The following MYH7B variants were observed in gnomAD, a reference collection of about 807,000 sequenced individuals.
MYH7B encodes myosin-7B.
MYH7B carries 205 observed loss-of-function variants against 234.5 expected under a neutral mutation model. That is an observed-to-expected ratio of 0.87 (90% CI 0.78 to 0.98). MYH7B has a LOEUF of 0.98. MYH7B is among the 50% of genes least tolerant of loss of function. MYH7B has a pLI of 0.00. For missense variants in MYH7B, 2,652 were observed against 2,633.4 expected (o/e 1.01, Z -0.15); for synonymous variants, 1,193 against 1,105.0 (o/e 1.08, Z -1.58).
exon 22 of MYH7B, chr20:34,990,272 A>G (rs763566144): frequency 1.9e-6 from 3 of 1,614,146 alleles, no homozygotes; most frequent in East Asian, 2.2e-5. Context: ...GAAGCGTAAG[A>G]AGGCAGCATC....
chr20:34,999,191 G>T lies in MYH7B; in HGVS notation c.4326G>T (p.Ala1442=), dbSNP rs777385270. The change falls in exon 36 of 45, where the codon GCG becomes GCT. Residue 1442 remains alanine (A), a synonymous_variant. Transcript: ENST00000262873. ...ATGTAACCCTGGAGCTGGAGCGGGC[G>T]ACCTCAGCAGCTGCTGCGCTGGACA... The T allele has an allele frequency of 2.5e-6, 4 of 1,612,762 alleles. No individual in the cohort carries two copies. The African/African-American group carries it at 5.3e-5, about 22-fold the overall frequency.
exon 6 of MYH7B, chr20:34,979,462 G>A: frequency 6.2e-7 from 1 of 1,613,912 alleles, no homozygotes; most frequent in Admixed American, 1.7e-5. Flanking sequence ...GAGGCTACCG[G>A]GGGCAGAGTC....
rs544975602 is a variant in MYH7B, at chr20:35,001,170, C to T, written c.5475+12C>T. 30 of 1,610,568 alleles carry T rather than the reference C, an allele frequency of 1.9e-5. No individual in the cohort carries two copies. Among genetic ancestry groups the T allele is most frequent in the South Asian group, 1.4e-4 (13 of 90,910 alleles). On this transcript the variant is annotated intron_variant, in intron 41 of 44. Transcript: ENST00000262873. Reference sequence around the variant, plus strand: ...AGCTGGAGGCCAAGGTGTGTGCAGCCCCTCTAGTCCTTGGCGCAGGCAGGG... The same window carrying T: ...AGCTGGAGGCCAAGGTGTGTGCAGCTCCTCTAGTCCTTGGCGCAGGCAGGG...
chr20:34,988,991 A>G (rs2082088474), intron 19 of MYH7B, among the ~76,000 whole-genome samples: 1 of 151,952 alleles, frequency 6.6e-6, no homozygotes, highest in Non-Finnish European at 1.5e-5. Context: ...TGTATTTTTA[A>G]TAGAGACATG....
At chr20:34,974,303 C>T (rs1224436280) in intron 2 of MYH7B, among the ~76,000 whole-genome samples, 2 of 148,978 alleles carry the variant, frequency 1.3e-5, no homozygotes, top group Admixed American at 6.8e-5. Context: ...CTCATGAGCT[C>T]AAATGATCCA....
intron 43 of MYH7B, 43 bp from the exon 44 acceptor site, chr20:35,001,905 C>CTCAG: frequency 1.9e-6 from 3 of 1,590,966 alleles, no homozygotes; most frequent in African/African-American, 1.3e-5. Context: ...GAATAAGCAT[C>CTCAG]TCAGTCACCC....
chr20:34,979,860 A>G, intron 7 of MYH7B, 56 bp downstream of exon 7: 2 of 1,557,536 alleles, frequency 1.3e-6, no homozygotes, highest in South Asian at 1.1e-5. Flanking sequence ...GGGCGGGGCT[A>G]GAGATGAGGT....
At chr20:34,956,912 G>A (rs1341237440) in intron 1 of MYH7B, among the ~76,000 whole-genome samples, 1 of 152,172 alleles carries the variant, frequency 6.6e-6, no homozygotes, top group South Asian at 2.1e-4. Flanking sequence ...AGAATTAGCC[G>A]GGTGTGTTGG....
chr20:35,002,436 C>A (rs1237671553), exon 45 of MYH7B: 2 of 402,426 alleles, frequency 5.0e-6, no homozygotes. Flanking sequence ...TAATAGTCTC[C>A]ATTTAATTGG....
chr20:34,978,219 C>A, intron 5 of MYH7B, 123 bp downstream of exon 5: 1 of 1,149,084 alleles, frequency 8.7e-7, no homozygotes, highest in Non-Finnish European at 1.2e-6. Context: ...ACAGCTGGAG[C>A]CCTGGACCTT....
chr20:34,986,860 C>T, intron 14 of MYH7B, 26 bp from the exon 15 acceptor site: 9 of 1,588,860 alleles, frequency 5.7e-6, no homozygotes, highest in Non-Finnish European at 7.8e-6. Flanking sequence ...CTGCCTGACC[C>T]TCCCTTCTCT....
chr20:34,993,239 G>A lies in MYH7B; in HGVS notation c.2307+14G>A, dbSNP rs752761453. On this transcript the variant is annotated intron_variant, in intron 25 of 44. Transcript: ENST00000262873. ...GGCCACACCAAGGTCGGGGCACTGTGGGATCAGGGCTGGCCATGGCTGTGG... is the reference window on the plus strand; with the variant it reads ...GGCCACACCAAGGTCGGGGCACTGTAGGATCAGGGCTGGCCATGGCTGTGG... The A allele has an allele frequency of 6.2e-6, 10 of 1,613,950 alleles. No individual in the cohort carries two copies. Among genetic ancestry groups the A allele is most frequent in the Non-Finnish European group, 8.5e-6 (10 of 1,179,926 alleles).
exon 39 of MYH7B, chr20:35,000,334 T>C: frequency 6.3e-7 from 1 of 1,595,844 alleles, no homozygotes; most frequent in Non-Finnish European, 8.5e-7. Context: ...CAGGCCTCCC[T>C]GGATGCAGAG....
chr20:34,977,609 C>T (rs1345793175), intron 3 of MYH7B, 23 bp from the exon 4 acceptor site: 2 of 1,571,902 alleles, frequency 1.3e-6, no homozygotes, highest in Middle Eastern at 1.7e-4. Flanking sequence ...GCTGACATAG[C>T]TCTCCTCCTC....
chr20:34,964,559 G>A (rs747061011), intron 2 of MYH7B, among the ~76,000 whole-genome samples: 27 of 152,160 alleles, frequency 1.8e-4, no homozygotes, highest in African/African-American at 4.3e-4. Context: ...AGAGGCTATC[G>A]TCCTGCTCTT....
chr20:34,982,622 CT>C (rs541168287), intron 10 of MYH7B, 67 bp downstream of exon 10: 125,694 of 931,872 alleles, frequency 0.13, 41 homozygotes, highest in South Asian at 0.19. Context: ...TTCTTCCTCT[CT>C]TTTTTTTTTT....
At position 35,001,505 on chromosome 20, in the gene MYH7B, C is replaced by G; in HGVS notation, c.5655C>G (p.Tyr1885Ter). 6.2e-7 allele frequency: 1 copy of G among 1,609,532 alleles called. No individual in the cohort carries two copies. Among genetic ancestry groups the G allele is most frequent in the Non-Finnish European group, 8.5e-7 (1 of 1,178,028 alleles). Residue 1885 changes from tyrosine to a stop codon, truncating the protein, a stop_gained, in exon 43 of 45, where the codon TAC (tyrosine) becomes TAG (stop). Coordinates refer to ENST00000262873, the Ensembl canonical transcript of MYH7B. LOFTEE classifies it high-confidence loss of function. ...AGCTGCAGAGCAAGGTCAAGAGCTA[C>G]AAGCGCCAGTTTGAGGAGGCGGTGA... is the stretch of plus-strand genomic sequence containing the variant.
In MYH7B at chr20:34,989,865, T is replaced by C. The variant is rs144507206; in HGVS notation, c.1713T>C (p.Pro571=). The C allele has an allele frequency of 4.9e-4, 797 of 1,614,146 alleles. 1 individual carries two copies. The African/African-American group carries it at 6.0e-3, about 12-fold the overall frequency. ...CACCCAATTTCCAGCAGCCTCGGCC[T>C]GACAAGAAGCGCAAGTACCAGGCCC... The change falls in exon 20 of 45, where the codon CCT becomes CCC. Residue 571 remains proline (P), a synonymous_variant. Transcript: ENST00000262873.
chr20:34,990,609 A>T, intron 22 of MYH7B, 129 bp from the exon 23 acceptor site: 1 of 830,354 alleles, frequency 1.2e-6, no homozygotes, highest in Non-Finnish European at 2.0e-6. Context: ...CCATCACCAG[A>T]ATGAGAGTGA....
Sources: allele counts gnomAD v4.1 joint callset (sites outside exome capture counted in the v4.1 genomes callset), GRCh38; gene constraint gnomAD v4.1.1; transcripts MANE v1.5; gene names NCBI Gene and HGNC (gene_info 2026-07-23, HGNC 2026-07-21).